LYPLAL1: variants seen among roughly 807,000 people sequenced by gnomAD.
LYPLAL1 encodes lysophospholipase-like protein 1.
In LYPLAL1, 23 loss-of-function variants were observed where a neutral mutation model predicts 19.7. That is an observed-to-expected ratio of 1.17 (90% confidence interval 0.84 to 1.65). The LOEUF (loss-of-function observed/expected upper bound fraction) is 1.65. Ranked by LOEUF, LYPLAL1 falls within the 40% of genes most tolerant of loss-of-function variation. The pLI, the probability that LYPLAL1 is intolerant of heterozygous loss-of-function variation, is 0.00. For synonymous variants in LYPLAL1, 119 were observed against 96.3 expected (o/e 1.24, Z -1.38); for missense variants, 355 against 279.4 (o/e 1.27, Z -1.93).
At chr1:219,417,096 C>T in the LYPLAL1 span, among the ~76,000 whole-genome samples, 2 of 152,154 alleles carry the variant, frequency 1.3e-5, no homozygotes, top group African/African-American at 4.8e-5. Flanking sequence ...TTTTTTCCCC[C>T]TTTCCAAACT....
the LYPLAL1 span, among the ~76,000 whole-genome samples, chr1:219,302,890 G>C: frequency 5.9e-5 from 9 of 152,164 alleles, no homozygotes; most frequent in South Asian, 1.7e-3. Flanking sequence ...ACATGCATTA[G>C]CCATTCACCA....
chr1:219,328,931 CT>C, the LYPLAL1 span, among the ~76,000 whole-genome samples: 4 of 152,196 alleles, frequency 2.6e-5, no homozygotes, highest in South Asian at 2.1e-4. Context: ...TCCTTATTAA[CT>C]TTTTTTCTTG....
At chr1:219,358,844 G>GTA in the LYPLAL1 span, among the ~76,000 whole-genome samples, 4 of 152,064 alleles carry the variant, frequency 2.6e-5, no homozygotes, top group Admixed American at 6.6e-5. Context: ...GCGTGTGTGT[G>GTA]TGTGTGTGCG....
At chr1:219,266,195 CA>C in the LYPLAL1 span, among the ~76,000 whole-genome samples, 2 of 151,986 alleles carry the variant, frequency 1.3e-5, no homozygotes, top group African/African-American at 4.8e-5. Flanking sequence ...TAAAAACAAA[CA>C]CATTTTAGAG....
chr1:219,238,542 CA>C, the LYPLAL1 span, among the ~76,000 whole-genome samples: 9 of 152,054 alleles, frequency 5.9e-5, no homozygotes, highest in South Asian at 1.7e-3. Flanking sequence ...TCTAGAACTT[CA>C]TACACCATGT....
chr1:219,182,441 A>G (rs912112278), intron 2 of LYPLAL1, among the ~76,000 whole-genome samples: 2 of 151,986 alleles, frequency 1.3e-5, no homozygotes, highest in Admixed American at 6.6e-5. Context: ...TCCATCTATT[A>G]TGGCAATGTT....
At chr1:219,284,149 C>T in the LYPLAL1 span, among the ~76,000 whole-genome samples, 6 of 152,198 alleles carry the variant, frequency 3.9e-5, no homozygotes, top group Non-Finnish European at 7.3e-5. Flanking sequence ...TGCCTTGCTT[C>T]CTCTTCTGCC....
chr1:219,195,422 A>G (rs1482837743), intron 3 of LYPLAL1, among the ~76,000 whole-genome samples: 1 of 152,082 alleles, frequency 6.6e-6, no homozygotes, highest in Non-Finnish European at 1.5e-5. Flanking sequence ...AAATTGCTTT[A>G]AAAAATAAAA....
At chr1:219,317,468 G>A in the LYPLAL1 span, among the ~76,000 whole-genome samples, 1 of 152,112 alleles carries the variant, frequency 6.6e-6, no homozygotes, top group South Asian at 2.1e-4. Context: ...CTTTAGAAAA[G>A]CAAATAATCT....
At chr1:219,199,599 C>G (rs7523500) in intron 3 of LYPLAL1, among the ~76,000 whole-genome samples, 3 of 147,492 alleles carry the variant, frequency 2.0e-5, no homozygotes, top group African/African-American at 7.4e-5. Flanking sequence ...CACGCCACCA[C>G]GCCCGGCTAA....
At chr1:219,262,004 T>C in the LYPLAL1 span, among the ~76,000 whole-genome samples, 1 of 152,186 alleles carries the variant, frequency 6.6e-6, no homozygotes. Flanking sequence ...TTTAGTCGTT[T>C]AACATAATCC....
chr1:219,352,785 T>G, the LYPLAL1 span, among the ~76,000 whole-genome samples: 1 of 152,170 alleles, frequency 6.6e-6, no homozygotes, highest in Admixed American at 6.5e-5. Context: ...CAGCTTAGGC[T>G]CTGTTCATCC....
chr1:219,283,809 G>C, the LYPLAL1 span, among the ~76,000 whole-genome samples: 1 of 152,160 alleles, frequency 6.6e-6, no homozygotes, highest in Non-Finnish European at 1.5e-5. Flanking sequence ...ATTGAGTCAA[G>C]GCCTTGTACA....
the LYPLAL1 span, among the ~76,000 whole-genome samples, chr1:219,233,753 CAG>C: frequency 1.5e-5 from 2 of 136,168 alleles, no homozygotes; most frequent in Non-Finnish European, 3.1e-5. Context: ...GTCTCAGTGA[CAG>C]AGAGAGACCC....
the LYPLAL1 span, among the ~76,000 whole-genome samples, chr1:219,357,709 T>G: frequency 1.3e-5 from 2 of 152,202 alleles, no homozygotes; most frequent in Non-Finnish European, 2.9e-5. Flanking sequence ...TTTACCCAAC[T>G]AATTTGAAAA....
chr1:219,184,039 A>G (rs780383503), intron 2 of LYPLAL1, among the ~76,000 whole-genome samples: 2 of 151,896 alleles, frequency 1.3e-5, no homozygotes, highest in African/African-American at 2.4e-5. Flanking sequence ...TGCTCATTCT[A>G]TGTTACTTGC....
chr1:219,186,958 C>T (rs1025669806), intron 2 of LYPLAL1, among the ~76,000 whole-genome samples: 4 of 151,286 alleles, frequency 2.6e-5, no homozygotes, highest in Non-Finnish European at 5.9e-5. Flanking sequence ...CACCATTTTA[C>T]TTTATTTTTT....
At chr1:219,382,848 TA>T in the LYPLAL1 span, among the ~76,000 whole-genome samples, 1 of 150,664 alleles carries the variant, frequency 6.6e-6, no homozygotes, top group East Asian at 1.9e-4. Context: ...ACATTTACAT[TA>T]AAAAAAGTTT....
the LYPLAL1 span, among the ~76,000 whole-genome samples, chr1:219,416,506 T>C: frequency 2.0e-5 from 3 of 152,226 alleles, no homozygotes; most frequent in African/African-American, 7.2e-5. Flanking sequence ...CTGCTCCTTG[T>C]AGAGTAGGGC....
Sources: gnomAD v4.1 joint callset for allele counts (sites outside exome capture counted in the v4.1 genomes callset) on GRCh38, gnomAD v4.1.1 for gene constraint, MANE v1.5 for transcripts, NCBI Gene and HGNC (gene_info 2026-07-23, HGNC 2026-07-21) for gene names.